Variants in PARD3B observed in about 807,000 individuals in gnomAD.
The protein encoded by PARD3B is partitioning defective 3 homolog B.
PARD3B carries 103 observed loss-of-function variants against 130.2 expected under a neutral mutation model. That is an observed-to-expected ratio of 0.79 (90% CI 0.67 to 0.93). PARD3B has a LOEUF of 0.93. PARD3B is among the 40% of genes least tolerant of loss of function. The pLI, the probability that PARD3B is intolerant of heterozygous loss-of-function variation, is 0.00. For synonymous variants in PARD3B, 583 were observed against 553.2 expected (o/e 1.05, Z -0.76); for missense variants, 1,609 against 1,499.2 (o/e 1.07, Z -1.21).
chr2:205,195,440 C>T (rs2036630741), intron 15 of PARD3B, among the ~76,000 whole-genome samples: 1 of 152,148 alleles, frequency 6.6e-6, no homozygotes, highest in African/African-American at 2.4e-5. Flanking sequence ...TTTCAGAAGG[C>T]CCTGAGAGTC....
intron 16 of PARD3B, among the ~76,000 whole-genome samples, chr2:205,298,097 G>A (rs940225931): frequency 1.3e-5 from 2 of 152,090 alleles, no homozygotes; most frequent in Non-Finnish European, 2.9e-5. Flanking sequence ...ATTGCTAAAC[G>A]TTGACGTGAA....
At chr2:205,466,344 G>A (rs922954929) in intron 20 of PARD3B, among the ~76,000 whole-genome samples, 1 of 152,100 alleles carries the variant, frequency 6.6e-6, no homozygotes, top group Non-Finnish European at 1.5e-5. Flanking sequence ...AATATTGTTG[G>A]TGCTGTTAGC....
At chr2:205,164,721 G>T (rs2034702587) in intron 11 of PARD3B, among the ~76,000 whole-genome samples, 1 of 151,620 alleles carries the variant, frequency 6.6e-6, no homozygotes, top group Non-Finnish European at 1.5e-5. Flanking sequence ...TACAAAAGTT[G>T]ATATAGCATG....
At chr2:204,549,666 T>C (rs541472271) in intron 1 of PARD3B, among the ~76,000 whole-genome samples, 2 of 152,340 alleles carry the variant, frequency 1.3e-5, no homozygotes, top group Non-Finnish European at 1.5e-5. Context: ...TCTTTTCGTA[T>C]GGCTGAACTC....
intron 1 of PARD3B, among the ~76,000 whole-genome samples, chr2:204,653,412 C>G (rs1306949917): frequency 6.6e-6 from 1 of 151,014 alleles, no homozygotes; most frequent in Non-Finnish European, 1.5e-5. Flanking sequence ...AAACACCTGT[C>G]AGAGCACTGT....
intron 2 of PARD3B, among the ~76,000 whole-genome samples, chr2:204,829,381 G>C (rs1344426425): frequency 6.6e-6 from 1 of 152,208 alleles, no homozygotes; most frequent in Non-Finnish European, 1.5e-5. Context: ...AGAAAGTTAT[G>C]ACTGGGATCC....
chr2:205,479,834 G>A (rs1474129090), intron 20 of PARD3B, among the ~76,000 whole-genome samples: 1 of 151,592 alleles, frequency 6.6e-6, no homozygotes, highest in Non-Finnish European at 1.5e-5. Flanking sequence ...AGTTTTGCCT[G>A]TCTGTTCAAC....
intron 2 of PARD3B, among the ~76,000 whole-genome samples, chr2:204,704,609 C>T (rs555349688): frequency 1.1e-4 from 17 of 152,302 alleles, no homozygotes; most frequent in African/African-American, 3.8e-4. Flanking sequence ...TCTTGCTTTG[C>T]TAATCAAGGT....
At chr2:205,131,960 A>G (rs1389797527) in intron 10 of PARD3B, among the ~76,000 whole-genome samples, 2 of 152,116 alleles carry the variant, frequency 1.3e-5, no homozygotes, top group Non-Finnish European at 2.9e-5. Flanking sequence ...TCTATCACTT[A>G]TTGATTAAAT....
At chr2:205,502,490 C>T (rs1026777308) in intron 21 of PARD3B, among the ~76,000 whole-genome samples, 4 of 152,112 alleles carry the variant, frequency 2.6e-5, no homozygotes, top group Admixed American at 2.0e-4. Context: ...TGAGTAAACA[C>T]GAAAGCGGTC....
intron 15 of PARD3B, among the ~76,000 whole-genome samples, chr2:205,206,216 C>CTTTTTTTTTTTTT (rs201694463): frequency 1.6e-5 from 2 of 127,878 alleles, no homozygotes; most frequent in African/African-American, 2.9e-5. Context: ...TTTTTTTTTT[C>CTTTTTTTTTTTTT]TTTTTTTTTT....
intron 3 of PARD3B, among the ~76,000 whole-genome samples, chr2:204,973,099 C>A (rs1408078191): frequency 6.6e-6 from 1 of 152,186 alleles, no homozygotes; most frequent in Non-Finnish European, 1.5e-5. Context: ...CCACCATCGT[C>A]CTCCCTTGCA....
Position 204,673,403 on chromosome 2 carries a change from G to C in PARD3B, c.121-12778G>C, listed in dbSNP as rs991323261. Among the ~76,000 whole-genome samples the C allele has an allele frequency of 4.6e-5, 7 of 152,306 alleles. No individual in the cohort carries two copies. In the East Asian group the frequency reaches 1.2e-3, roughly 25 times the overall value. ...GTGGTGCAAGATACTCTTGGCAAGG[G>C]TAGAGAGGTGGTTACTACCACTTGG... On this transcript the variant is annotated intron_variant, in intron 1 of 22. Transcript: ENST00000406610. The surrounding 1 kb of genome is among the most constrained non-coding windows in gnomAD (Gnocchi z 4.7).
chr2:204,842,590 G>C (rs1025589468), intron 2 of PARD3B, among the ~76,000 whole-genome samples: 1 of 152,054 alleles, frequency 6.6e-6, no homozygotes, highest in Non-Finnish European at 1.5e-5. Flanking sequence ...ACATTAAGGG[G>C]GTTTTTCCCA....
rs113313104 is a variant in PARD3B at position 205,273,538 on chromosome 2, T to G, written c.2186-26992T>G. Among the ~76,000 whole-genome samples, 245 of 152,316 alleles carry G rather than the reference T, an allele frequency of 1.6e-3. 1 individual carries two copies. Among genetic ancestry groups the G allele is most frequent in the African/African-American group, 5.6e-3 (233 of 41,558 alleles). On this transcript the variant is annotated intron_variant, in intron 16 of 22. Transcript: ENST00000406610. Reference sequence around the variant, plus strand: ...GCAGCTATCTAAAGGAGCAACTACTTTGGAGCCAGACTTCTCAATCTTGAC... The same window carrying G: ...GCAGCTATCTAAAGGAGCAACTACTGTGGAGCCAGACTTCTCAATCTTGAC...
chr2:205,073,856 C>G (rs1220790023), intron 4 of PARD3B, among the ~76,000 whole-genome samples: 1 of 152,098 alleles, frequency 6.6e-6, no homozygotes, highest in African/African-American at 2.4e-5. Context: ...ACAATGATCC[C>G]CAGTGTTTTG....
intron 15 of PARD3B, among the ~76,000 whole-genome samples, chr2:205,206,788 G>C (rs1355598107): frequency 1.3e-5 from 2 of 151,890 alleles, no homozygotes; most frequent in Non-Finnish European, 2.9e-5. Flanking sequence ...ACACCCCACT[G>C]TCAACATTAG....
rs1442022512 is a variant in PARD3B, at chr2:205,077,416, G to T, written c.505-27010G>T. Among the ~76,000 whole-genome samples, 6 of 152,256 alleles carry T rather than the reference G, an allele frequency of 3.9e-5. No homozygotes were observed. In the East Asian group the frequency reaches 5.8e-4, roughly 15 times the overall value. On this transcript the variant is annotated intron_variant, in intron 4 of 22. Coordinates refer to ENST00000406610, the MANE Select transcript of PARD3B (RefSeq NM_001302769.2). Reference sequence around the variant, plus strand: ...TTCTTTTCTGTTTTTAAGAACTTGGGTCTAGAATAAAAGATAAGTAACAAT... The same window carrying T: ...TTCTTTTCTGTTTTTAAGAACTTGGTTCTAGAATAAAAGATAAGTAACAAT...
chr2:205,380,453 A>G, intron 18 of PARD3B, among the ~76,000 whole-genome samples: 1 of 45,328 alleles, frequency 2.2e-5, no homozygotes, highest in Non-Finnish European at 3.7e-5. Context: ...GAATACATAT[A>G]TATAATATAT....
Sources: allele counts gnomAD v4.1 joint callset (sites outside exome capture counted in the v4.1 genomes callset), GRCh38; gene constraint gnomAD v4.1.1; non-coding constraint Gnocchi (gnomAD v3.1); transcripts MANE v1.5; gene names NCBI Gene and HGNC (gene_info 2026-07-23, HGNC 2026-07-21).